KIAA1217: variants seen among roughly 807,000 people sequenced by gnomAD.
The protein encoded by KIAA1217 is KIAA1217, also known as sickle tail protein homolog.
In KIAA1217, 88 loss-of-function variants were observed where a neutral mutation model predicts 163.9. The ratio of observed to expected loss-of-function variants is 0.54; its 90% confidence interval spans 0.45 to 0.64. KIAA1217 has a LOEUF of 0.64. Ranked by LOEUF, KIAA1217 falls within the 30% of genes least tolerant of loss-of-function variation. The pLI is 0.00. For synonymous variants in KIAA1217, 903 were observed against 923.1 expected (o/e 0.98, Z 0.39); for missense variants, 2,372 against 2,475.0 (o/e 0.96, Z 0.88).
chr10:24,543,089 T>G lies in KIAA1217; in HGVS notation c.3819T>G (p.Ile1273Met). The change falls in exon 19 of 21, where the codon ATT becomes ATG. Residue 1273 changes from isoleucine (I) to methionine (M), a missense_variant. Ile to Met is a conservative substitution (Grantham distance 10). Coordinates refer to ENST00000376454, the MANE Select transcript of KIAA1217 (RefSeq NM_019590.5). The stretch of plus-strand genomic sequence containing the variant: ...AGGCCAGTTTCGGTTTCTCTGGCAT[T>G]AGTCCATTAGAAGATGAAATAAACA... ...VPKASFGFSG[I>M]SPLEDEINKG... 2 of 1,613,882 alleles carry G rather than the reference T, an allele frequency of 1.2e-6. No individual in the cohort carries two copies. Among genetic ancestry groups the G allele is most frequent in the South Asian group, 2.2e-5 (2 of 91,066 alleles).
chr10:23,956,445 C>A (rs902218315), intron 1 of KIAA1217, among the ~76,000 whole-genome samples: 4 of 152,046 alleles, frequency 2.6e-5, no homozygotes, highest in African/African-American at 4.8e-5. Flanking sequence ...CTGTTCAAGG[C>A]AGTGGGCTAA....
chr10:24,351,606 A>G lies in KIAA1217; in HGVS notation c.355-29263A>G, dbSNP rs573275326. On this transcript the variant is annotated intron_variant, in intron 2 of 20. Coordinates refer to ENST00000376454, the MANE Select transcript of KIAA1217 (RefSeq NM_019590.5). ...GTTGAGGCAGAACTCATGAAAAACA[A>G]TGAAGCAAGGAATAATTTCGTTTTG... Among the ~76,000 whole-genome samples, 3 of 152,332 alleles carry G rather than the reference A, an allele frequency of 2.0e-5. No homozygotes were observed. The South Asian group carries it at 6.2e-4, about 32-fold the overall frequency.
intron 1 of KIAA1217, among the ~76,000 whole-genome samples, chr10:23,982,556 T>TCTCTCC: frequency 6.8e-6 from 1 of 145,996 alleles, no homozygotes; most frequent in Non-Finnish European, 1.5e-5. Context: ...TCTCTCTCTC[T>TCTCTCC]CTCTCTCTCT....
At chr10:24,502,635 A>T (rs2067814835) in intron 9 of KIAA1217, among the ~76,000 whole-genome samples, 1 of 152,206 alleles carries the variant, frequency 6.6e-6, no homozygotes, top group Non-Finnish European at 1.5e-5. Flanking sequence ...TTGAGGATAC[A>T]GTGCTGGCCT....
chr10:24,448,126 CT>C (rs2061099470), intron 5 of KIAA1217, among the ~76,000 whole-genome samples: 2 of 151,324 alleles, frequency 1.3e-5, no homozygotes, highest in Non-Finnish European at 2.9e-5. Context: ...GAGTCTCCAC[CT>C]CAAAAAAAAA....
At position 23,878,207 on chromosome 10, in the gene KIAA1217, C is replaced by T. The variant is rs975345676; in HGVS notation, c.-320-129018C>T. Among the ~76,000 whole-genome samples the T allele has an allele frequency of 7.9e-5, 12 of 151,998 alleles. 1 individual carries two copies. The highest frequency in any genetic ancestry group is 7.2e-4 in the Admixed American group (11 of 15,254). Reference sequence around the variant, plus strand: ...TGGTTTTTATTGAAATAACATGCTTCTCACGTAGAGCACATTCTTTATGGA... The same window carrying T: ...TGGTTTTTATTGAAATAACATGCTTTTCACGTAGAGCACATTCTTTATGGA... On this transcript the variant is annotated intron_variant, in intron 1 of 18. Coordinates refer to the KIAA1217 transcript ENST00000376462.
rs1411396245 is a variant in KIAA1217, at chr10:24,547,733, C to CA, written c.*1412dup. 1.3e-5 allele frequency: 2 copies of CA among 152,080 alleles called. No homozygotes were observed. Among genetic ancestry groups the CA allele is most frequent in the African/African-American group, 4.8e-5 (2 of 41,416 alleles). 9.4% of individuals were successfully genotyped at this position (152,080 alleles called of 1,614,324 possible). A position where few individuals can be genotyped will look rare whatever the true frequency, so the allele number is the denominator to read the frequency against. On this transcript the variant is annotated 3_prime_UTR_variant, in exon 21 of 21. Transcript: ENST00000376454. ...TTATCAAGGTGTAGATGACAGAAAG[C>CA]AAACCTGGATACAGAGTTTCCACCC...
intron 2 of KIAA1217, among the ~76,000 whole-genome samples, chr10:24,191,653 C>T (rs1457193870): frequency 1.3e-5 from 2 of 152,118 alleles, no homozygotes; most frequent in South Asian, 2.1e-4. Flanking sequence ...TAGGATCAAG[C>T]CTGGAGGCAG....
intron 2 of KIAA1217, among the ~76,000 whole-genome samples, chr10:24,040,434 C>A (rs1167804303): frequency 6.6e-6 from 1 of 152,150 alleles, no homozygotes; most frequent in African/African-American, 2.4e-5. Context: ...CTGAAGACAC[C>A]TGAAGAAGCA....
At chr10:24,310,700 A>G (rs1351076888) in intron 2 of KIAA1217, among the ~76,000 whole-genome samples, 8 of 152,180 alleles carry the variant, frequency 5.3e-5, no homozygotes, top group Admixed American at 5.2e-4. Flanking sequence ...GGCAGGGCAC[A>G]TATAATTGAA....
chr10:24,118,841 G>A (rs1008422216), intron 2 of KIAA1217, among the ~76,000 whole-genome samples: 1 of 152,030 alleles, frequency 6.6e-6, no homozygotes, highest in African/African-American at 2.4e-5. Flanking sequence ...AGGACCCAGG[G>A]AGTAGAACTA....
In KIAA1217 at chr10:24,524,725, C is replaced by A. The variant is rs1259881948; in HGVS notation, c.2859C>A (p.Ile953=). 4 of 1,609,572 alleles carry A rather than the reference C, an allele frequency of 2.5e-6. No homozygotes were observed. The African/African-American group carries it at 5.3e-5, about 21-fold the overall frequency. ...TGCAGAGCTTGTTCATTGAAGAAAT[C>A]CACAGTGTGAGTGCCAAGAACAGGG... ...SAMQSLFIEE[I]HSVSAKNRAV... is the part of the protein sequence containing the mutation. The change falls in exon 13 of 21, where the codon ATC becomes ATA. Residue 953 remains isoleucine, a synonymous_variant. Coordinates refer to ENST00000376454, the MANE Select transcript of KIAA1217 (RefSeq NM_019590.5).
At chr10:24,056,298 A>G (rs923832349) in intron 2 of KIAA1217, among the ~76,000 whole-genome samples, 1 of 152,120 alleles carries the variant, frequency 6.6e-6, no homozygotes, top group African/African-American at 2.4e-5. Context: ...ACTCCACTTC[A>G]GCCTGGGTGA....
At chr10:23,835,626 G>A (rs913421360) in intron 1 of KIAA1217, among the ~76,000 whole-genome samples, 3 of 152,150 alleles carry the variant, frequency 2.0e-5, no homozygotes, top group Non-Finnish European at 4.4e-5. Context: ...GTATGAAAAA[G>A]TATGAATTTA....
intron 1 of KIAA1217, among the ~76,000 whole-genome samples, chr10:24,209,904 T>A (rs1399897431): frequency 1.3e-5 from 2 of 152,184 alleles, no homozygotes; most frequent in Non-Finnish European, 2.9e-5. Context: ...TATAATAGAC[T>A]TGTCTTTTCC....
chr10:23,865,124 CTTGCTTT>C (rs1840124900), intron 1 of KIAA1217, among the ~76,000 whole-genome samples: 1 of 152,104 alleles, frequency 6.6e-6, no homozygotes, highest in Non-Finnish European at 1.5e-5. Flanking sequence ...TTCTTTATAA[CTTGCTTT>C]TTTCTCACCA....
chr10:24,530,125 C>T (rs781363238), intron 14 of KIAA1217, among the ~76,000 whole-genome samples: 2 of 152,078 alleles, frequency 1.3e-5, no homozygotes, highest in South Asian at 2.1e-4. Context: ...TAATTCTGTT[C>T]TCTCTGCCCC....
At chr10:24,271,631 A>G (rs946019707) in intron 2 of KIAA1217, among the ~76,000 whole-genome samples, 1 of 152,026 alleles carries the variant, frequency 6.6e-6, no homozygotes, top group African/African-American at 2.4e-5. Flanking sequence ...ATGTACTTGT[A>G]GTCCCAGGTA....
intron 2 of KIAA1217, among the ~76,000 whole-genome samples, chr10:24,149,496 A>T (rs1451532717): frequency 1.3e-5 from 2 of 151,806 alleles, no homozygotes; most frequent in African/African-American, 4.8e-5. Context: ...ATTTTTTTTT[A>T]ATGTAAGAAA....
Sources: allele counts gnomAD v4.1 joint callset (sites outside exome capture counted in the v4.1 genomes callset), GRCh38; gene constraint gnomAD v4.1.1; transcripts MANE v1.5; gene names NCBI Gene and HGNC (gene_info 2026-07-23, HGNC 2026-07-21).